The following CRTAP variants were observed in gnomAD, a reference collection of about 807,000 sequenced individuals.
The protein encoded by CRTAP is cartilage associated protein.
A neutral mutation model predicts 42.7 loss-of-function variants in CRTAP; 33 were observed. The observed-to-expected ratio is 0.77, with a 90% CI of 0.59 to 1.03. CRTAP has a LOEUF of 1.03. Among genes scored for constraint, CRTAP ranks in the 50% least tolerant of loss-of-function variants. The probability of loss-of-function intolerance (pLI) is 0.00; values close to 1 mark genes in which losing one functional copy is unlikely to be tolerated. For missense variants in CRTAP, 613 were observed against 533.9 expected, an observed-to-expected ratio of 1.15 and a Z score of -1.46; for synonymous variants, 243 against 217.7, an observed-to-expected ratio of 1.12 and a Z score of -1.02.
chr3:33,131,028 C>T (rs547666474), intron 4 of CRTAP, among the ~76,000 whole-genome samples: 1 of 152,208 alleles, frequency 6.6e-6, no homozygotes, highest in Non-Finnish European at 1.5e-5. Context: ...AGCAGTGTGT[C>T]CCTTGGCAGT....
At chr3:33,129,295 A>C (rs1188666216) in intron 3 of CRTAP, among the ~76,000 whole-genome samples, 1 of 152,222 alleles carries the variant, frequency 6.6e-6, no homozygotes, top group Non-Finnish European at 1.5e-5. Context: ...TTAATACTAC[A>C]GTATGAATTT....
At chr3:33,139,476 T>A (rs1474729404) in intron 6 of CRTAP, among the ~76,000 whole-genome samples, 3 of 110,478 alleles carry the variant, frequency 2.7e-5, no homozygotes, top group Admixed American at 2.7e-4. Context: ...ATTCGTTGAA[T>A]TTTTTTTTTT....
rs140817451 is a variant in CRTAP, at chr3:33,124,283, C to T, written c.622-125C>T. 2.2e-3 allele frequency: 2,218 copies of T among 1,029,810 alleles called. 3 individuals carry two copies. The highest frequency in any genetic ancestry group is 2.9e-3 in the Non-Finnish European group (1,950 of 662,832). The allele number at this position is 1,029,810 out of a possible 1,614,324, so 63.8% of individuals were successfully genotyped here. On this transcript the variant is annotated intron_variant, in intron 2 of 6. Coordinates refer to ENST00000320954, the MANE Select transcript of CRTAP (RefSeq NM_006371.5). ...ACTCACTGATTGACTTCTTCAAGGG[C>T]CAGTGTGGCTTCTTCAGAGCTAATG...
rs1345418681 is a variant in CRTAP, at chr3:33,147,562, A to G, written c.*5114A>G. 1.3e-5 allele frequency: 2 copies of G among 152,232 alleles called. No individual in the cohort carries two copies. Among genetic ancestry groups the G allele is most frequent in the African/African-American group, 4.8e-5 (2 of 41,462 alleles). The allele number at this position is 152,232 out of a possible 1,614,324, so 9.4% of individuals were successfully genotyped here. A position where few individuals can be genotyped will look rare whatever the true frequency, so the allele number is the denominator to read the frequency against. Reference sequence around the variant, plus strand: ...AGGAATTAAGCAATTTGGCCAACAGATACAAGATAGATTCCAGAGTTTTAT... The same window carrying G: ...AGGAATTAAGCAATTTGGCCAACAGGTACAAGATAGATTCCAGAGTTTTAT... On this transcript the variant is annotated 3_prime_UTR_variant, in exon 7 of 7. Transcript: ENST00000320954.
chr3:33,120,260 T>G (rs750760651), intron 1 of CRTAP, 84 bp from the exon 2 acceptor site: 33 of 1,248,478 alleles, frequency 2.6e-5, no homozygotes, highest in Non-Finnish European at 3.5e-5. Flanking sequence ...ACAAAGTTTC[T>G]GAAGGACTAA....
intron 6 of CRTAP, among the ~76,000 whole-genome samples, chr3:33,140,506 T>C (rs2030543348): frequency 6.6e-6 from 1 of 152,228 alleles, no homozygotes; most frequent in Non-Finnish European, 1.5e-5. Context: ...CCTTCCATTT[T>C]CCAAAGGACA....
Position 33,134,193 on chromosome 3 carries a change from G to C in CRTAP, c.1080G>C (p.Gln360His). Reference protein sequence around the residue: ...EHFQPRPEAVQFFNVTTLQKE... With the variant: ...EHFQPRPEAVHFFNVTTLQKE... ...TTGTGTCTGAACAGGAAGCAGTTCAGTTCTTTAATGTGACCACACTCCAGA... is the reference window on the plus strand; with the variant it reads ...TTGTGTCTGAACAGGAAGCAGTTCACTTCTTTAATGTGACCACACTCCAGA... The change falls in exon 6 of 7, where the codon CAG (glutamine) becomes CAC (histidine). Residue 360 changes from glutamine to histidine, a missense_variant. Physicochemically the swap from Gln to His is conservative, Grantham distance 24. Transcript: ENST00000320954. 4 of 1,612,620 alleles carry C rather than the reference G, an allele frequency of 2.5e-6. No homozygotes were observed. The highest frequency in any genetic ancestry group is 3.4e-6 in the Non-Finnish European group (4 of 1,178,626).
intron 6 of CRTAP, among the ~76,000 whole-genome samples, chr3:33,137,879 T>C (rs1308614972): frequency 2.0e-5 from 3 of 152,246 alleles, no homozygotes; most frequent in African/African-American, 7.2e-5. Flanking sequence ...TTATGTGTGA[T>C]ATTAGGAAGA....
In CRTAP at chr3:33,114,195, G is replaced by T. The variant is rs863225043; in HGVS notation, c.118G>T (p.Glu40Ter). The T allele has an allele frequency of 1.3e-6, 2 of 1,593,696 alleles. No individual in the cohort carries two copies. Among genetic ancestry groups the T allele is most frequent in the South Asian group, 1.1e-5 (1 of 89,582 alleles). The part of the protein sequence containing the change: ...RYSFRSFPRD[E>*]LMPLESAYRH... ...CAGCTTCCGCAGCTTCCCACGGGAC[G>T]AGCTGATGCCGCTCGAGTCGGCCTA... Residue 40 changes from glutamate (E) to a stop codon, truncating the protein, a stop_gained, in exon 1 of 7, where the codon GAG (glutamate) becomes TAG (stop). Coordinates refer to ENST00000320954, the MANE Select transcript of CRTAP (RefSeq NM_006371.5). LOFTEE classifies it high-confidence loss of function.
At chr3:33,116,067 A>T (rs548695585) in intron 1 of CRTAP, among the ~76,000 whole-genome samples, 2 of 152,352 alleles carry the variant, frequency 1.3e-5, no homozygotes, top group South Asian at 4.1e-4. Flanking sequence ...GCTTTTGGCA[A>T]ATATGTTCTG....
intron 3 of CRTAP, among the ~76,000 whole-genome samples, chr3:33,126,743 A>G (rs1247197311): frequency 6.6e-6 from 1 of 152,234 alleles, no homozygotes; most frequent in Non-Finnish European, 1.5e-5. Context: ...CAAGGTACTC[A>G]GGGCACAGTT....
rs1701304670 is a variant in CRTAP at position 33,114,026 on chromosome 3, C to T, written c.-52C>T. 2 of 1,343,718 alleles carry T rather than the reference C, an allele frequency of 1.5e-6. No individual in the cohort carries two copies. The highest frequency in any genetic ancestry group is 1.4e-5 in the South Asian group (1 of 69,248). The allele number at this position is 1,343,718 out of a possible 1,614,324, so 83.2% of individuals were successfully genotyped here. Reference sequence around the variant, plus strand: ...CACCGTCCTCTTTCCTTTCCTTCTCCCTCCCCTTTTCCCTTCCTTCGTCCC... The same window carrying T: ...CACCGTCCTCTTTCCTTTCCTTCTCTCTCCCCTTTTCCCTTCCTTCGTCCC... On this transcript the variant is annotated 5_prime_UTR_variant, in exon 1 of 7. Coordinates refer to ENST00000320954, the MANE Select transcript of CRTAP (RefSeq NM_006371.5).
chr3:33,139,540 G>A (rs1395031341), intron 6 of CRTAP, among the ~76,000 whole-genome samples: 1 of 148,442 alleles, frequency 6.7e-6, no homozygotes, highest in Non-Finnish European at 1.5e-5. Context: ...GCAGTGGTGT[G>A]ATCTCTGCTC....
Position 33,137,365 on chromosome 3 carries a change from T to G in CRTAP, c.1152+3100T>G, listed in dbSNP as rs546332595. Among the ~76,000 whole-genome samples the G allele has an allele frequency of 5.3e-5, 8 of 152,242 alleles. No individual in the cohort carries two copies. The South Asian group carries it at 1.7e-3, about 32-fold the overall frequency. On this transcript the variant is annotated intron_variant, in intron 6 of 6. Transcript: ENST00000320954. ...TATGTTGGCCAGGCTGGTCTCAAAC[T>G]CCTGACCTCAGGCGATCCACCCGCC...
intron 1 of CRTAP, among the ~76,000 whole-genome samples, chr3:33,119,861 C>T (rs1701394725): frequency 6.6e-6 from 1 of 152,098 alleles, no homozygotes; most frequent in Admixed American, 6.6e-5. Flanking sequence ...GTGATTGAAA[C>T]CGGGAAGGAG....
At chr3:33,132,959 T>G (rs1287858400) in intron 5 of CRTAP, among the ~76,000 whole-genome samples, 1 of 151,276 alleles carries the variant, frequency 6.6e-6, no homozygotes, top group Non-Finnish European at 1.5e-5. Flanking sequence ...GTGGCTGTAG[T>G]CCCAGCTACT....
At chr3:33,130,137 A>G in intron 4 of CRTAP, 70 bp downstream of exon 4, 1 of 1,454,418 alleles carries the variant, frequency 6.9e-7, no homozygotes, top group South Asian at 1.1e-5. Flanking sequence ...AGAGGTAATA[A>G]CTCTTAGCTA....
At chr3:33,119,628 A>G (rs889758533) in intron 1 of CRTAP, among the ~76,000 whole-genome samples, 4 of 152,218 alleles carry the variant, frequency 2.6e-5, no homozygotes, top group African/African-American at 4.8e-5. Flanking sequence ...GAATGTTAGC[A>G]GAAGGTCTGT....
At chr3:33,140,415 AT>A (rs1314237359) in intron 6 of CRTAP, among the ~76,000 whole-genome samples, 2 of 152,206 alleles carry the variant, frequency 1.3e-5, no homozygotes, top group Non-Finnish European at 2.9e-5. Flanking sequence ...AGAATGAACC[AT>A]TTTCTTACTA....
Sources: gnomAD v4.1 joint callset for allele counts (sites outside exome capture counted in the v4.1 genomes callset) on GRCh38, gnomAD v4.1.1 for gene constraint, MANE v1.5 for transcripts, NCBI Gene and HGNC (gene_info 2026-07-23, HGNC 2026-07-21) for gene names.